The following PEX13 variants were observed in gnomAD, a reference collection of about 807,000 sequenced individuals.
PEX13 encodes the protein peroxisomal biogenesis factor 13.
Under a neutral mutation model 34.5 loss-of-function variants are expected in PEX13, and 28 were observed. The observed-to-expected ratio is 0.81, with a 90% CI of 0.60 to 1.11. PEX13 has a LOEUF of 1.11. PEX13 is among the 50% of genes most tolerant of loss of function. The probability of loss-of-function intolerance (pLI) is 0.00; values close to 1 mark genes in which losing one functional copy is unlikely to be tolerated. For synonymous variants in PEX13, 177 were observed against 175.1 expected (o/e 1.01, Z -0.09); for missense variants, 550 against 491.0 (o/e 1.12, Z -1.13).
At chr2:61,036,520 A>T (rs1208883847) in intron 2 of PEX13, among the ~76,000 whole-genome samples, 1 of 152,188 alleles carries the variant, frequency 6.6e-6, no homozygotes, top group Non-Finnish European at 1.5e-5. Flanking sequence ...ATATCCAGCC[A>T]AACTAAGCTT....
rs868805865 is a variant in PEX13 at position 61,017,740 on chromosome 2, G to C, written c.-20G>C. On this transcript the variant is annotated 5_prime_UTR_variant, in exon 1 of 4. Transcript: ENST00000295030. Reference sequence around the variant, plus strand: ...TGGACAGTCAGGGGTAGGAGCGGGAGCCGAGAGGAGGCGGAGGAGATGGCG... The same window carrying C: ...TGGACAGTCAGGGGTAGGAGCGGGACCCGAGAGGAGGCGGAGGAGATGGCG... 8 of 1,546,156 alleles carry C rather than the reference G, an allele frequency of 5.2e-6. No individual in the cohort carries two copies. Among genetic ancestry groups the C allele is most frequent in the Non-Finnish European group, 7.0e-6 (8 of 1,144,256 alleles).
At position 61,031,819 on chromosome 2, in the gene PEX13, G is replaced by A. The variant is rs1481858907; in HGVS notation, c.493G>A (p.Ala165Thr). 1.9e-6 allele frequency: 3 copies of A among 1,613,566 alleles called. No homozygotes were observed. The highest frequency in any genetic ancestry group is 1.7e-5 in the Admixed American group (1 of 60,026). ...CAGTTTCAGGGCTGTATTGGATGTA[G>A]CAAATCACTTTTCCCGATTGAAAAT... is the stretch of plus-strand genomic sequence containing the variant. ...YNSFRAVLDV[A>T]NHFSRLKIHF... is the part of the protein sequence containing the mutation. The change falls in exon 2 of 4, where the codon GCA becomes ACA. Residue 165 changes from alanine to threonine, a missense_variant. Physicochemically the swap from Ala to Thr is moderately conservative, Grantham distance 58. Transcript: ENST00000295030.
Position 61,048,676 on chromosome 2 carries a change from A to G in PEX13, c.1118A>G (p.Gln373Arg), listed in dbSNP as rs1680749703. 1.2e-6 allele frequency: 2 copies of G among 1,613,902 alleles called. No homozygotes were observed. The change falls in exon 4 of 4, where the codon CAG (glutamine) becomes CGG (arginine). Residue 373 changes from glutamine to arginine, a missense_variant. Physicochemically the swap from Gln to Arg is conservative, Grantham distance 43. Transcript: ENST00000295030. ...GATVADSLDE[Q>R]EAAFESVFVE... ...ACGGTTGCTGATTCTTTGGATGAAC[A>G]GGAAGCTGCCTTTGAATCTGTTTTT...
intron 2 of PEX13, among the ~76,000 whole-genome samples, chr2:61,032,365 A>T (rs1381748385): frequency 6.6e-6 from 1 of 152,208 alleles, no homozygotes; most frequent in African/African-American, 2.4e-5. Flanking sequence ...ACAAAGATAC[A>T]TAGGGCATAA....
chr2:61,023,195 G>T (rs1172205484), intron 1 of PEX13, among the ~76,000 whole-genome samples: 3 of 151,986 alleles, frequency 2.0e-5, no homozygotes, highest in African/African-American at 7.3e-5. Context: ...AGTAGAGATG[G>T]AGTTTTGCCT....
rs886056201 is a variant in PEX13 at position 61,050,053 on chromosome 2, C to G, written c.*1283C>G. ...ATTTTTCTTTTAGGTTTAGTTTTTA[C>G]TACTGAGACTTATTTATAGTCTTAG... On this transcript the variant is annotated 3_prime_UTR_variant, in exon 4 of 4. Coordinates refer to ENST00000295030, the MANE Select transcript of PEX13 (RefSeq NM_002618.4). The G allele has an allele frequency of 1.3e-5, 2 of 152,130 alleles. No individual in the cohort carries two copies. The highest frequency in any genetic ancestry group is 2.4e-5 in the African/African-American group (1 of 41,362). The allele number at this position is 152,130 out of a possible 1,614,324, so 9.4% of individuals were successfully genotyped here. A position where few individuals can be genotyped will look rare whatever the true frequency, so the allele number is the denominator to read the frequency against.
At chr2:61,036,982 C>T (rs1226955980) in intron 2 of PEX13, among the ~76,000 whole-genome samples, 1 of 152,110 alleles carries the variant, frequency 6.6e-6, no homozygotes, top group Non-Finnish European at 1.5e-5. Context: ...AGTTGCAATC[C>T]TAGTCTCTGA....
chr2:61,029,019 A>T (rs1180138011), intron 1 of PEX13, among the ~76,000 whole-genome samples: 1 of 151,814 alleles, frequency 6.6e-6, no homozygotes, highest in Non-Finnish European at 1.5e-5. Context: ...CCTCATCTCT[A>T]CCAAAAAGTT....
chr2:61,037,752 A>G (rs1680559453), intron 2 of PEX13, among the ~76,000 whole-genome samples: 1 of 152,242 alleles, frequency 6.6e-6, no homozygotes, highest in Non-Finnish European at 1.5e-5. Flanking sequence ...GGCAAGACAT[A>G]ACTAAGATCA....
chr2:61,030,589 C>G (rs1297697507), intron 1 of PEX13, among the ~76,000 whole-genome samples: 1 of 152,178 alleles, frequency 6.6e-6, no homozygotes, highest in Non-Finnish European at 1.5e-5. Context: ...AAGCTTCATT[C>G]AGGCATGGGC....
chr2:61,021,874 C>T (rs987759073), intron 1 of PEX13, among the ~76,000 whole-genome samples: 3 of 152,168 alleles, frequency 2.0e-5, no homozygotes, highest in African/African-American at 7.2e-5. Flanking sequence ...CTGGTGATAC[C>T]CAGGCAAACA....
chr2:61,032,179 TGTTA>T lies in PEX13; in HGVS notation c.787+70_787+73del. 3.4e-6 allele frequency: 4 copies of T among 1,163,558 alleles called. No individual in the cohort carries two copies. The Admixed American group carries it at 5.7e-5, about 17-fold the overall frequency. The allele number at this position is 1,163,558 out of a possible 1,614,324, so 72.1% of individuals were successfully genotyped here. A position where few individuals can be genotyped will look rare whatever the true frequency, so the allele number is the denominator to read the frequency against. On this transcript the variant is annotated intron_variant, in intron 2 of 3. Coordinates refer to ENST00000295030, the MANE Select transcript of PEX13 (RefSeq NM_002618.4). ...CAATCTCAAATTTCAAGAATAGATTTGTTAGTTTTCTTTATATTGATTTGTATTT... is the reference window on the plus strand; with the variant it reads ...CAATCTCAAATTTCAAGAATAGATTTGTTTTCTTTATATTGATTTGTATTT...
intron 2 of PEX13, among the ~76,000 whole-genome samples, chr2:61,035,667 A>G (rs1285571120): frequency 2.6e-5 from 4 of 152,312 alleles, no homozygotes; most frequent in African/African-American, 4.8e-5. Flanking sequence ...CAAGAACTTC[A>G]TGATGCACAC....
At chr2:61,018,975 A>T (rs1680184436) in intron 1 of PEX13, 1 of 152,336 alleles carries the variant, frequency 6.6e-6, no homozygotes, top group Non-Finnish European at 1.5e-5. Context: ...AGAGAGTAAG[A>T]TAATACCTAT....
At chr2:61,042,170 A>G (rs377087935) in intron 2 of PEX13, among the ~76,000 whole-genome samples, 1 of 152,230 alleles carries the variant, frequency 6.6e-6, no homozygotes, top group Non-Finnish European at 1.5e-5. Flanking sequence ...ATAGAATTCA[A>G]ATTTCATTAA....
intron 2 of PEX13, among the ~76,000 whole-genome samples, chr2:61,038,072 G>A (rs1293171936): frequency 6.6e-6 from 1 of 152,150 alleles, no homozygotes; most frequent in Non-Finnish European, 1.5e-5. Context: ...TTGAATCTCT[G>A]AATAGACCAA....
rs771610641 is a variant in PEX13, at chr2:61,017,848, T to G, written c.89T>G (p.Phe30Cys). The change falls in exon 1 of 4, where the codon TTC (phenylalanine) becomes TGC (cysteine). Residue 30 changes from phenylalanine to cysteine, a missense_variant. Physicochemically the swap from Phe to Cys is radical, Grantham distance 205. Coordinates refer to ENST00000295030, the MANE Select transcript of PEX13 (RefSeq NM_002618.4). Reference sequence around the variant, plus strand: ...CCGGGACCAGGACCGGGCCCCACTTTCCAGTGAGTGTGGGATTCTTCAGGC... The same window carrying G: ...CCGGGACCAGGACCGGGCCCCACTTGCCAGTGAGTGTGGGATTCTTCAGGC... ...AGPGPGPGPT[F>C]QSADLGPTLM... The G allele has an allele frequency of 4.5e-6, 7 of 1,550,304 alleles. No homozygotes were observed. In the African/African-American group the frequency reaches 9.6e-5, roughly 21 times the overall value.
At chr2:61,040,704 T>C (rs1358270640) in intron 2 of PEX13, among the ~76,000 whole-genome samples, 1 of 150,898 alleles carries the variant, frequency 6.6e-6, no homozygotes, top group Non-Finnish European at 1.5e-5. Flanking sequence ...ACCGGCACAC[T>C]GTGCACACGT....
At chr2:61,034,101 A>G (rs1020551237) in intron 2 of PEX13, among the ~76,000 whole-genome samples, 3 of 152,078 alleles carry the variant, frequency 2.0e-5, no homozygotes, top group Non-Finnish European at 4.4e-5. Context: ...GGTTAAAGCA[A>G]TTCTCCTGCC....
Sources: gnomAD v4.1 joint callset for allele counts (sites outside exome capture counted in the v4.1 genomes callset) on GRCh38, gnomAD v4.1.1 for gene constraint, MANE v1.5 for transcripts, NCBI Gene and HGNC (gene_info 2026-07-23, HGNC 2026-07-21) for gene names.